Variants in DNAJA3 observed in about 807,000 individuals in gnomAD.
DNAJA3 encodes the protein DnaJ heat shock protein family (Hsp40) member A3.
A neutral mutation model predicts 54.9 loss-of-function variants in DNAJA3; 29 were observed. That is an observed-to-expected ratio of 0.53 (90% CI 0.39 to 0.72). The LOEUF is 0.72. Ranked by LOEUF, DNAJA3 falls within the 30% of genes least tolerant of loss-of-function variation. The pLI, the probability that DNAJA3 is intolerant of heterozygous loss-of-function variation, is 0.00. For synonymous variants in DNAJA3, 302 were observed against 251.4 expected, an observed-to-expected ratio of 1.20 and a Z score of -1.90; for missense variants, 708 against 639.4, an observed-to-expected ratio of 1.11 and a Z score of -1.16.
intron 1 of DNAJA3, among the ~76,000 whole-genome samples, chr16:4,432,403 C>T (rs190262201): frequency 7.4e-4 from 110 of 148,644 alleles, no homozygotes; most frequent in African/African-American, 2.6e-3. Context: ...AGTGCAATGG[C>T]GCGATCTTGG....
chr16:4,432,191 A>G (rs1168799817), intron 1 of DNAJA3, among the ~76,000 whole-genome samples: 4 of 148,258 alleles, frequency 2.7e-5, no homozygotes, highest in Admixed American at 2.1e-4. Flanking sequence ...TGATCCATTT[A>G]TTTATTTATT....
chr16:4,454,762 G>T, intron 10 of DNAJA3, 49 bp from the exon 11 acceptor site: 1 of 1,440,284 alleles, frequency 6.9e-7, no homozygotes, highest in Non-Finnish European at 9.7e-7. Flanking sequence ...GGATGTGACT[G>T]TGGAAGTGCA....
chr16:4,440,375 G>C (rs975525695), intron 3 of DNAJA3: 3 of 151,852 alleles, frequency 2.0e-5, no homozygotes, highest in Non-Finnish European at 4.4e-5. Flanking sequence ...CGGATCACGA[G>C]GTCAAGAGAT....
Position 4,454,946 on chromosome 16 carries a change from T to C in DNAJA3, c.*13+19T>C. On this transcript the variant is annotated intron_variant, in intron 11 of 11. Coordinates refer to ENST00000262375, the MANE Select transcript of DNAJA3 (RefSeq NM_005147.6). ...AGCCGAGGTAGGAAAACCCTGGAGG[T>C]TTTTTTTCCCTTTGTTTTCCTCTGT... 2 of 1,530,852 alleles carry C rather than the reference T, an allele frequency of 1.3e-6. No individual in the cohort carries two copies. The highest frequency in any genetic ancestry group is 1.8e-6 in the Non-Finnish European group (2 of 1,110,024). The allele number at this position is 1,530,852 out of a possible 1,614,324, so 94.8% of individuals were successfully genotyped here.
At chr16:4,437,576 A>T in intron 3 of DNAJA3, 91 bp downstream of exon 3, 1 of 1,054,876 alleles carries the variant, frequency 9.5e-7, no homozygotes, top group South Asian at 1.3e-5. Flanking sequence ...CTGGTGTGTC[A>T]TACAGTCCAG....
At chr16:4,451,105 G>A (rs1271346360) in intron 10 of DNAJA3, among the ~76,000 whole-genome samples, 4 of 152,314 alleles carry the variant, frequency 2.6e-5, no homozygotes, top group East Asian at 3.9e-4. Context: ...TGCTGTGGGC[G>A]CTGAGACAAT....
At chr16:4,433,204 T>TA (rs1200448090) in intron 1 of DNAJA3, 1 of 152,248 alleles carries the variant, frequency 6.6e-6, no homozygotes, top group African/African-American at 2.4e-5. Context: ...CCTTGTTTCT[T>TA]AAGCAGTTGG....
At chr16:4,428,790 C>T (rs960536496) in intron 1 of DNAJA3, among the ~76,000 whole-genome samples, 2 of 151,878 alleles carry the variant, frequency 1.3e-5, no homozygotes, top group South Asian at 4.1e-4. Context: ...GTAATTCCAG[C>T]GCTATGCTGG....
At chr16:4,432,831 C>T (rs926308313) in intron 1 of DNAJA3, among the ~76,000 whole-genome samples, 3 of 150,724 alleles carry the variant, frequency 2.0e-5, no homozygotes, top group Admixed American at 1.3e-4. Flanking sequence ...AGCGAAACTC[C>T]GTCTCAAAAA....
chr16:4,442,312 C>T lies in DNAJA3; in HGVS notation c.675C>T (p.Asn225=). Residue 225 remains asparagine (N), a synonymous_variant, in exon 5 of 12, where the codon AAC becomes AAT. Coordinates refer to ENST00000262375, the MANE Select transcript of DNAJA3 (RefSeq NM_005147.6). ...LTFNQAAKGV[N]KEFTVNIMDT... is the part of the protein sequence containing the mutation. ...TCAATCAAGCTGCAAAGGGGGTCAA[C>T]AAGGAGTTCACCGTGAACATCATGG... The T allele has an allele frequency of 6.2e-7, 1 of 1,605,816 alleles. No homozygotes were observed.
chr16:4,448,597 C>T, intron 8 of DNAJA3, 136 bp from the exon 9 acceptor site: 1 of 656,102 alleles, frequency 1.5e-6, no homozygotes, highest in Non-Finnish European at 2.7e-6. Flanking sequence ...CTGCCTCGAC[C>T]TCCCAAAGTG....
At chr16:4,434,641 GGGTGT>G (rs1401544538) in intron 2 of DNAJA3, 124 bp downstream of exon 2, 1 of 1,193,786 alleles carries the variant, frequency 8.4e-7, no homozygotes, top group African/African-American at 1.6e-5. Flanking sequence ...TAGTATAGAA[GGGTGT>G]GATAAAGCTG....
chr16:4,447,005 C>T lies in DNAJA3; in HGVS notation c.1116C>T (p.Ile372=). Residue 372 remains isoleucine (I), a synonymous_variant, in exon 8 of 12, where the codon ATC becomes ATT. Transcript: ENST00000262375. ...GAGCCCAGGGCCTGTACGAGACGAT[C>T]AACGTGACGGTAAGAGGGTGTGAGA... The part of the protein sequence containing the change: ...TARAQGLYET[I]NVTIPPGTQT... 6.2e-7 allele frequency: 1 copy of T among 1,613,588 alleles called. No individual in the cohort carries two copies.
intron 8 of DNAJA3, chr16:4,447,735 C>T (rs143418665): frequency 3.9e-5 from 6 of 152,532 alleles, no homozygotes; most frequent in Non-Finnish European, 8.8e-5. Flanking sequence ...TAGTCACAGG[C>T]TCTGCTCTGG....
intron 2 of DNAJA3, among the ~76,000 whole-genome samples, chr16:4,435,507 C>G (rs1341197365): frequency 6.6e-6 from 1 of 152,180 alleles, no homozygotes; most frequent in African/African-American, 2.4e-5. Flanking sequence ...TCCCCGGTCC[C>G]TAGCAGCTGC....
intron 1 of DNAJA3, among the ~76,000 whole-genome samples, chr16:4,430,136 CCT>C (rs1184131650): frequency 1.3e-5 from 2 of 151,706 alleles, no homozygotes; most frequent in Non-Finnish European, 2.9e-5. Context: ...TAATGAGACC[CCT>C]GTCTCTTAAA....
chr16:4,442,443 A>G, intron 5 of DNAJA3, 23 bp downstream of exon 5: 1 of 1,559,724 alleles, frequency 6.4e-7, no homozygotes, highest in Non-Finnish European at 8.7e-7. Context: ...CCGAGACTCC[A>G]CCTCCCACGG....
At chr16:4,429,104 G>T (rs1372734604) in intron 1 of DNAJA3, among the ~76,000 whole-genome samples, 1 of 151,876 alleles carries the variant, frequency 6.6e-6, no homozygotes, top group Admixed American at 6.6e-5. Flanking sequence ...TAGCCAGGAC[G>T]TCTCGATCTC....
At chr16:4,426,255 G>T (rs755513048) in intron 1 of DNAJA3, among the ~76,000 whole-genome samples, 163 bp downstream of exon 1, 41 of 152,328 alleles carry the variant, frequency 2.7e-4, no homozygotes, top group Non-Finnish European at 4.9e-4. Flanking sequence ...GGAGGCCCCA[G>T]TGGCTGCTCA....
Sources: allele counts gnomAD v4.1 joint callset (sites outside exome capture counted in the v4.1 genomes callset), GRCh38; gene constraint gnomAD v4.1.1; transcripts MANE v1.5; gene names NCBI Gene and HGNC (gene_info 2026-07-23, HGNC 2026-07-21).